Variants in METTL18 observed in about 807,000 individuals in gnomAD.
METTL18 encodes the protein histidine protein methyltransferase 1 homolog.
A neutral mutation model predicts 19.6 loss-of-function variants in METTL18; 15 were observed. The observed-to-expected ratio is 0.77, with a 90% CI of 0.51 to 1.18. The LOEUF (loss-of-function observed/expected upper bound fraction) is 1.18, where lower values mean the gene tolerates loss of function less well. Ranked by LOEUF, METTL18 falls within the 50% of genes most tolerant of loss-of-function variation. METTL18 has a pLI of 0.00. For synonymous variants in METTL18, 131 were observed against 145.2 expected (o/e 0.90, Z 0.70); for missense variants, 392 against 418.8 (o/e 0.94, Z 0.56).
At chr1:169,794,284 T>C (rs1571176122) in intron 1 of METTL18, among the ~76,000 whole-genome samples, 1 of 152,302 alleles carries the variant, frequency 6.6e-6, no homozygotes, top group Admixed American at 6.5e-5. Flanking sequence ...TTCTGTCTTT[T>C]ACAGAAGAGG....
Position 169,793,773 on chromosome 1 carries a change from G to T in METTL18, c.-78C>A. The T allele has an allele frequency of 7.4e-7, 1 of 1,351,780 alleles. No homozygotes were observed. The allele number at this position is 1,351,780 out of a possible 1,614,324, so 83.7% of individuals were successfully genotyped here. On this transcript the variant is annotated 5_prime_UTR_variant, in exon 2 of 2. Coordinates refer to ENST00000310392, the MANE Select transcript of METTL18 (RefSeq NM_033418.4). Reference sequence around the variant, plus strand: ...AGAATTTGATGATACACACAAATCTGCCTCAATTATTCAATTAGTTTTGTT... The same window carrying T: ...AGAATTTGATGATACACACAAATCTTCCTCAATTATTCAATTAGTTTTGTT...
In METTL18 at chr1:169,793,905, GAA is replaced by G. The variant is rs71713237; in HGVS notation, c.-202-10_-202-9del. 0.031 allele frequency: 6,596 copies of G among 215,984 alleles called. No homozygotes were observed. Among genetic ancestry groups the G allele is most frequent in the Middle Eastern group, 0.042 (35 of 838 alleles). The allele number at this position is 215,984 out of a possible 1,614,324, so 13.4% of individuals were successfully genotyped here. ...TCCTCTTTCCAAGCAGCTCTGGAAA[GAA>G]AAAAAAAAAAAAAAGAAAGAAAATG... On this transcript the variant is annotated splice_polypyrimidine_tract_variant and intron_variant, in intron 1 of 1. Transcript: ENST00000310392.
rs994051036 is a variant in METTL18, at chr1:169,793,703, T to C, written c.-8A>G. 1.9e-6 allele frequency: 3 copies of C among 1,562,086 alleles called. No homozygotes were observed. Among genetic ancestry groups the C allele is most frequent in the African/African-American group, 1.4e-5 (1 of 72,710 alleles). Reference sequence around the variant, plus strand: ...ATTAAACTGAAAGGTCATCCTCTTATTAAATGCACACAATCTTTAAATTCA... The same window carrying C: ...ATTAAACTGAAAGGTCATCCTCTTACTAAATGCACACAATCTTTAAATTCA... On this transcript the variant is annotated 5_prime_UTR_variant, in exon 2 of 2. Transcript: ENST00000310392.
Position 169,792,906 on chromosome 1 carries a change from G to A in METTL18, c.790C>T (p.Arg264Ter), listed in dbSNP as rs201226123. The A allele has an allele frequency of 7.4e-6, 12 of 1,613,904 alleles. No homozygotes were observed. The highest frequency in any genetic ancestry group is 6.7e-5 in the African/African-American group (5 of 74,908). The part of the protein sequence containing the change: ...KPKVTQLYKC[R>*]FFSGEWSEFC... ...TCAGACCACTCACCAGAAAAAAATC[G>A]GCATTTATATAGTTGTGTTACTTTT... Residue 264 changes from arginine (R) to a stop codon, truncating the protein, a stop_gained, in exon 2 of 2, where the codon CGA becomes TGA. Coordinates refer to ENST00000310392, the MANE Select transcript of METTL18 (RefSeq NM_033418.4). LOFTEE classifies it high-confidence loss of function.
In METTL18 at chr1:169,792,740, A is replaced by G; in HGVS notation, c.956T>C (p.Val319Ala). The change falls in exon 2 of 2, where the codon GTA becomes GCA. Residue 319 changes from valine to alanine, a missense_variant. Val to Ala is a moderately conservative substitution (Grantham distance 64). Transcript: ENST00000310392. ...ATAATGTGCTTTGCTGGCCAAAAGTACACGTCCATTTTTACTTAACAGTCT... is the reference window on the plus strand; with the variant it reads ...ATAATGTGCTTTGCTGGCCAAAAGTGCACGTCCATTTTTACTTAACAGTCT... The part of the protein sequence containing the change: ...FLRLLSKNGR[V>A]LLASKAHYFG... 1.2e-6 allele frequency: 2 copies of G among 1,613,880 alleles called. No individual in the cohort carries two copies. The highest frequency in any genetic ancestry group is 1.7e-6 in the Non-Finnish European group (2 of 1,179,952).
chr1:169,792,747 C>T lies in METTL18; in HGVS notation c.949G>A (p.Gly317Arg), dbSNP rs982585795. The T allele has an allele frequency of 4.3e-6, 7 of 1,613,768 alleles. No individual in the cohort carries two copies. In the South Asian group the frequency reaches 5.5e-5, roughly 13 times the overall value. ...QTFLRLLSKN[G>R]RVLLASKAHY... ...GCTTTGCTGGCCAAAAGTACACGTCCATTTTTACTTAACAGTCTAAGGAAA... is the reference window on the plus strand; with the variant it reads ...GCTTTGCTGGCCAAAAGTACACGTCTATTTTTACTTAACAGTCTAAGGAAA... The change falls in exon 2 of 2, where the codon GGA becomes AGA. Residue 317 changes from glycine to arginine, a missense_variant. Transcript: ENST00000310392.
Position 169,792,593 on chromosome 1 carries a change from A to G in METTL18, c.1103T>C (p.Phe368Ser). Reference sequence around the variant, plus strand: ...GAATGTTAATTAACCAGGAAACTTAAAAGTTATTTCAATTATGAACCTCTT... The same window carrying G: ...GAATGTTAATTAACCAGGAAACTTAGAAGTTATTTCAATTATGAACCTCTT... ...GLKRFIIEIT[F>S]KFPG Residue 368 changes from phenylalanine (F) to serine (S), a missense_variant, in exon 2 of 2, where the codon TTT (phenylalanine) becomes TCT (serine). Transcript: ENST00000310392. 3.2e-6 allele frequency: 5 copies of G among 1,549,668 alleles called. No homozygotes were observed. Among genetic ancestry groups the G allele is most frequent in the Non-Finnish European group, 3.5e-6 (4 of 1,153,558 alleles).
chr1:169,792,628 A>G lies in METTL18; in HGVS notation c.1068T>C (p.Asp356=), dbSNP rs535296319. 10 of 1,599,022 alleles carry G rather than the reference A, an allele frequency of 6.3e-6. No individual in the cohort carries two copies. The South Asian group carries it at 1.0e-4, about 16-fold the overall frequency. The change falls in exon 2 of 2, where the codon GAT becomes GAC. Residue 356 remains aspartate, a synonymous_variant. Transcript: ENST00000310392. Reference sequence around the variant, plus strand: ...CAATTATGAACCTCTTCAATCCTTCATCAATTATTTTGAGTATTCTGGTCT... The same window carrying G: ...CAATTATGAACCTCTTCAATCCTTCGTCAATTATTTTGAGTATTCTGGTCT... The part of the protein sequence containing the change: ...VFKTRILKII[D]EGLKRFIIEI...
chr1:169,793,259 A>G lies in METTL18; in HGVS notation c.437T>C (p.Ile146Thr). The G allele has an allele frequency of 6.2e-7, 1 of 1,614,102 alleles. No individual in the cohort carries two copies. Residue 146 changes from isoleucine (I) to threonine (T), a missense_variant, in exon 2 of 2, where the codon ATA (isoleucine) becomes ACA (threonine). By Grantham distance (89) the Ile-to-Thr change is moderately conservative (BLOSUM62 -1). Coordinates refer to ENST00000310392, the MANE Select transcript of METTL18 (RefSeq NM_033418.4). ...GTGAGAAGAAAAGCTTTTTGAAACTATGTTTTCTCCAGGGAAGTTCTCTTT... is the reference window on the plus strand; with the variant it reads ...GTGAGAAGAAAAGCTTTTTGAAACTGTGTTTTCTCCAGGGAAGTTCTCTTT... ...LLKENFPGEN[I>T]VSKSFSSHSD...
chr1:169,792,842 A>G lies in METTL18; in HGVS notation c.854T>C (p.Val285Ala). The change falls in exon 2 of 2, where the codon GTA (valine) becomes GCA (alanine). Residue 285 changes from valine (V) to alanine (A), a missense_variant. Val to Ala is a moderately conservative substitution (Grantham distance 64, BLOSUM62 0). Coordinates refer to ENST00000310392, the MANE Select transcript of METTL18 (RefSeq NM_033418.4). ...TGAGGTGAGAATGAGATCATATTTT[A>G]CAAAAAGTTTTTCACTACTTAGTAC... ...KLVLSSEKLF[V>A]KYDLILTSET... The G allele has an allele frequency of 5.6e-6, 9 of 1,613,870 alleles. 1 individual carries two copies. In the South Asian group the frequency reaches 9.9e-5, roughly 18 times the overall value.
rs1418864372 is a variant in METTL18, at chr1:169,793,390, C to G, written c.306G>C (p.Glu102Asp). Residue 102 changes from glutamate (E) to aspartate (D), a missense_variant, in exon 2 of 2, where the codon GAG becomes GAC. Coordinates refer to ENST00000310392, the MANE Select transcript of METTL18 (RefSeq NM_033418.4). ...GKQPSLRAAKEHAMPKDLKKM... is the reference protein window; with the variant it reads ...GKQPSLRAAKDHAMPKDLKKM... Reference sequence around the variant, plus strand: ...TCTTTAAATCTTTAGGCATAGCATGCTCTTTGGCAGCTCTCAAGGAGGGCT... The same window carrying G: ...TCTTTAAATCTTTAGGCATAGCATGGTCTTTGGCAGCTCTCAAGGAGGGCT... 4.3e-6 allele frequency: 7 copies of G among 1,614,046 alleles called. No individual in the cohort carries two copies. Among genetic ancestry groups the G allele is most frequent in the Admixed American group, 3.3e-5 (2 of 59,998 alleles).
rs557955943 is a variant in METTL18, at chr1:169,793,771, C to G, written c.-76G>C. 1.5e-6 allele frequency: 2 copies of G among 1,369,910 alleles called. No homozygotes were observed. The highest frequency in any genetic ancestry group is 1.5e-5 in the African/African-American group (1 of 68,632). The allele number at this position is 1,369,910 out of a possible 1,614,324, so 84.9% of individuals were successfully genotyped here. A position where few individuals can be genotyped will look rare whatever the true frequency, so the allele number is the denominator to read the frequency against. ...ATAGAATTTGATGATACACACAAAT[C>G]TGCCTCAATTATTCAATTAGTTTTG... On this transcript the variant is annotated 5_prime_UTR_variant, in exon 2 of 2. Coordinates refer to ENST00000310392, the MANE Select transcript of METTL18 (RefSeq NM_033418.4).
Position 169,793,557 on chromosome 1 carries a change from T to C in METTL18, c.139A>G (p.Lys47Glu). The change falls in exon 2 of 2, where the codon AAA becomes GAA. Residue 47 changes from lysine to glutamate, a missense_variant. Lys to Glu is a moderately conservative substitution (Grantham distance 56, BLOSUM62 1). Coordinates refer to ENST00000310392, the MANE Select transcript of METTL18 (RefSeq NM_033418.4). ...AAGTCAAATTGTTCTGCAGAACATT[T>C]TCTGTCCCTCTCTTCTCCTTTTTGA... ...ESQKGEERDR[K>E]CSAEQFDLPQ... The C allele has an allele frequency of 1.2e-6, 2 of 1,614,214 alleles. No homozygotes were observed. The highest frequency in any genetic ancestry group is 1.7e-6 in the Non-Finnish European group (2 of 1,180,030).
intron 1 of METTL18, among the ~76,000 whole-genome samples, chr1:169,794,214 T>C (rs574805093): frequency 8.5e-4 from 129 of 152,348 alleles, no homozygotes; most frequent in African/African-American, 2.9e-3. Context: ...TTGCTGTCTT[T>C]CAGCTGTCTT....
At position 169,793,309 on chromosome 1, in the gene METTL18, T is replaced by C; in HGVS notation, c.387A>G (p.Leu129=). The part of the protein sequence containing the change: ...ETLPGFQHVK[L]SVVKTILLKE... The stretch of plus-strand genomic sequence containing the variant: ...TCAACAAGATGGTTTTCACTACTGA[T>C]AACTTAACATGCTGGAAACCTGGTA... Residue 129 remains leucine, a synonymous_variant, in exon 2 of 2, where the codon TTA becomes TTG. Transcript: ENST00000310392. 1 of 1,613,990 alleles carries C rather than the reference T, an allele frequency of 6.2e-7. No homozygotes were observed. The highest frequency in any genetic ancestry group is 8.5e-7 in the Non-Finnish European group (1 of 1,179,878).
At chr1:169,794,331 A>G (rs1409992435) in intron 1 of METTL18, among the ~76,000 whole-genome samples, 1 of 152,188 alleles carries the variant, frequency 6.6e-6, no homozygotes, top group Non-Finnish European at 1.5e-5. Context: ...CGTCCCTTTA[A>G]AAACATGCAT....
Position 169,793,718 on chromosome 1 carries a change from C to G in METTL18, c.-23G>C, listed in dbSNP as rs749585335. The G allele has an allele frequency of 6.5e-7, 1 of 1,535,928 alleles. No homozygotes were observed. Among genetic ancestry groups the G allele is most frequent in the Admixed American group, 2.1e-5 (1 of 46,714 alleles). On this transcript the variant is annotated 5_prime_UTR_variant, in exon 2 of 2. Transcript: ENST00000310392. The stretch of plus-strand genomic sequence containing the variant: ...CATCCTCTTATTAAATGCACACAAT[C>G]TTTAAATTCAGATTCTTCAACTTCT...
rs71713237 is a variant in METTL18 at position 169,793,905 on chromosome 1, G to GAAA, written c.-202-11_-202-9dup. On this transcript the variant is annotated splice_polypyrimidine_tract_variant and intron_variant, in intron 1 of 1. Coordinates refer to ENST00000310392, the MANE Select transcript of METTL18 (RefSeq NM_033418.4). ...TCCTCTTTCCAAGCAGCTCTGGAAA[G>GAAA]AAAAAAAAAAAAAAAAGAAAGAAAA... 1.4e-5 allele frequency: 3 copies of GAAA among 215,552 alleles called. No individual in the cohort carries two copies. The highest frequency in any genetic ancestry group is 1.6e-5 in the Non-Finnish European group (2 of 122,430). The allele number at this position is 215,552 out of a possible 1,614,324, so 13.4% of individuals were successfully genotyped here. A position where few individuals can be genotyped will look rare whatever the true frequency, so the allele number is the denominator to read the frequency against.
In METTL18 at chr1:169,792,965, A is replaced by C; in HGVS notation, c.731T>G (p.Val244Gly). Reference sequence around the variant, plus strand: ...GCATCTTTTCACATCTGGCTCATTTACATCATTTTCTTCATCTTCCAAAGT... The same window carrying C: ...GCATCTTTTCACATCTGGCTCATTTCCATCATTTTCTTCATCTTCCAAAGT... Reference protein sequence around the residue: ...NSTLEDEENDVNEPDVKRCRK... With the variant: ...NSTLEDEENDGNEPDVKRCRK... The change falls in exon 2 of 2, where the codon GTA becomes GGA. Residue 244 changes from valine to glycine, a missense_variant. Transcript: ENST00000310392. The C allele has an allele frequency of 1.9e-6, 3 of 1,614,000 alleles. No individual in the cohort carries two copies. The highest frequency in any genetic ancestry group is 2.5e-6 in the Non-Finnish European group (3 of 1,179,966).
Sources: allele counts gnomAD v4.1 joint callset (sites outside exome capture counted in the v4.1 genomes callset), GRCh38; gene constraint gnomAD v4.1.1; transcripts MANE v1.5; gene names NCBI Gene and HGNC (gene_info 2026-07-23, HGNC 2026-07-21).